The following DMD variants were observed in gnomAD, a reference collection of about 807,000 sequenced individuals.
DMD encodes dystrophin, also known as mutant dystrophin.
DMD carries 63 observed loss-of-function variants against 330.1 expected under a neutral mutation model. The ratio of observed to expected loss-of-function variants is 0.19; its 90% CI spans 0.16 to 0.24. DMD has a LOEUF of 0.24. Among genes scored for constraint, DMD ranks in the 10% least tolerant of loss-of-function variants. The pLI, the probability that DMD is intolerant of heterozygous loss-of-function variation, is 1.00. For synonymous variants in DMD, 1,223 were observed against 959.8 expected (o/e 1.27, Z -5.07); for missense variants, 3,344 against 2,684.1 (o/e 1.25, Z -5.43).
chrX:32,768,265 G>T (rs1335014058), intron 7 of DMD, among the ~76,000 whole-genome samples: 2 of 112,074 alleles, frequency 1.8e-5, no homozygotes, highest in Non-Finnish European at 3.8e-5. Flanking sequence ...TCCGTCAGAT[G>T]CTGTCTTTAG....
At chrX:32,256,217 C>T (rs2097297976) in intron 43 of DMD, among the ~76,000 whole-genome samples, 1 of 110,776 alleles carries the variant, frequency 9.0e-6, no homozygotes. Context: ...TTGCGTTGCT[C>T]CCTTTACCAT....
At chrX:33,266,992 C>T (rs1270904538) in intron 1 of DMD, among the ~76,000 whole-genome samples, 2 of 110,276 alleles carry the variant, frequency 1.8e-5, no homozygotes, top group Non-Finnish European at 3.8e-5. Context: ...GAAGTCCTAG[C>T]CACAGCAATT....
intron 2 of DMD, among the ~76,000 whole-genome samples, chrX:33,012,574 A>G (rs1215660746): frequency 1.3e-4 from 14 of 111,631 alleles, no homozygotes; most frequent in African/African-American, 4.6e-4. Flanking sequence ...TCGACTTAAG[A>G]TATTTTGACC....
At chrX:31,440,259 T>C (rs1305077939) in intron 60 of DMD, among the ~76,000 whole-genome samples, 1 of 109,506 alleles carries the variant, frequency 9.1e-6, no homozygotes, top group Non-Finnish European at 1.9e-5. Context: ...GCGATTCTCC[T>C]GCCTCAGCTT....
At chrX:31,228,337 A>G (rs768089484) in intron 63 of DMD, among the ~76,000 whole-genome samples, 2 of 110,446 alleles carry the variant, frequency 1.8e-5, no homozygotes, top group Admixed American at 1.9e-4. Flanking sequence ...ATGCTACGGA[A>G]GCCATACAAA....
chrX:31,824,520 G>A (rs1179766821), intron 49 of DMD, among the ~76,000 whole-genome samples: 1 of 111,537 alleles, frequency 9.0e-6, no homozygotes. Flanking sequence ...CAATGTGCTG[G>A]GATTGCAGGC....
In DMD at chrX:31,500,553, C is replaced by A. The variant is rs752296684; in HGVS notation, c.8391-3609G>T. Among the ~76,000 whole-genome samples, 3 of 112,371 alleles carry A rather than the reference C, an allele frequency of 2.7e-5. No homozygotes were observed. In the South Asian group the frequency reaches 1.1e-3, roughly 41 times the overall value. On this transcript the variant is annotated intron_variant, in intron 56 of 78. Transcript: ENST00000357033. Reference sequence around the variant, plus strand: ...ATGTTTTCAAGTCACATTTCTAATACATTTATCGGAAGCAGTTGCCCTATT... The same window carrying A: ...ATGTTTTCAAGTCACATTTCTAATAAATTTATCGGAAGCAGTTGCCCTATT...
intron 47 of DMD, among the ~76,000 whole-genome samples, chrX:31,888,340 A>C (rs1415831852): frequency 3.6e-5 from 4 of 111,114 alleles, no homozygotes; most frequent in African/African-American, 9.8e-5. Flanking sequence ...TCTGTAGTTG[A>C]CTGAAGTTGG....
At chrX:32,406,185 A>G (rs2147861135) in intron 30 of DMD, among the ~76,000 whole-genome samples, 1 of 111,608 alleles carries the variant, frequency 9.0e-6, no homozygotes, top group East Asian at 2.8e-4. Flanking sequence ...ATATACAATC[A>G]TGTCATCTGC....
intron 64 of DMD, among the ~76,000 whole-genome samples, chrX:31,221,605 C>A (rs1221303984): frequency 8.8e-6 from 1 of 113,053 alleles, no homozygotes; most frequent in Admixed American, 9.3e-5. Flanking sequence ...AAATATATGA[C>A]ATTGAAATGG....
chrX:32,569,075 G>T lies in DMD; in HGVS notation c.1813-3194C>A, dbSNP rs534467224. On this transcript the variant is annotated intron_variant, in intron 15 of 78. Coordinates refer to ENST00000357033, the MANE Select transcript of DMD (RefSeq NM_004006.3). ...GCAAAGGCCAGCTGGGATAGTAAAA[G>T]AATAAACAGACTTTATTTTTATAGA... is the stretch of plus-strand genomic sequence containing the variant. Among the ~76,000 whole-genome samples the T allele has an allele frequency of 1.9e-4, 21 of 111,777 alleles. No homozygotes were observed. In the South Asian group the frequency reaches 7.9e-3, roughly 42 times the overall value.
At chrX:32,213,834 T>C (rs1157406262) in intron 44 of DMD, among the ~76,000 whole-genome samples, 1 of 109,888 alleles carries the variant, frequency 9.1e-6, no homozygotes, top group South Asian at 4.0e-4. Context: ...ATTAGCCAGG[T>C]GTGGGGGTGG....
chrX:32,771,034 T>A (rs1022934253), intron 7 of DMD, among the ~76,000 whole-genome samples: 1 of 111,644 alleles, frequency 9.0e-6, no homozygotes, highest in Non-Finnish European at 1.9e-5. Flanking sequence ...GATCAGCAAG[T>A]ACAAAGGTCC....
At chrX:32,726,722 A>G (rs2066926112) in intron 7 of DMD, among the ~76,000 whole-genome samples, 1 of 111,105 alleles carries the variant, frequency 9.0e-6, no homozygotes, top group African/African-American at 3.3e-5. Context: ...GACTGACATG[A>G]TAATTATACA....
chrX:31,448,349 CT>C (rs1279919635), intron 59 of DMD, among the ~76,000 whole-genome samples: 4 of 112,021 alleles, frequency 3.6e-5, no homozygotes, highest in Non-Finnish European at 5.6e-5. Flanking sequence ...TTGGTAGCAG[CT>C]TTTACCACCC....
intron 7 of DMD, among the ~76,000 whole-genome samples, chrX:32,801,315 A>G (rs1196291167): frequency 2.7e-5 from 3 of 111,547 alleles, no homozygotes; most frequent in Non-Finnish European, 5.7e-5. Context: ...TTGGCCACAT[A>G]AATGTCTTCT....
At chrX:33,118,111 T>A (rs1427319893) in intron 1 of DMD, among the ~76,000 whole-genome samples, 1 of 39,708 alleles carries the variant, frequency 2.5e-5, no homozygotes, top group East Asian at 2.1e-3. Flanking sequence ...AGTTCAAGAC[T>A]CTTTTTTTTT....
chrX:32,954,462 G>C (rs67711161), intron 2 of DMD, among the ~76,000 whole-genome samples: 23,153 of 111,040 alleles, frequency 0.21, 1,834 homozygotes, highest in East Asian at 0.34. Context: ...AACCCACTAA[G>C]GCTCCAGTGA....
intron 41 of DMD, among the ~76,000 whole-genome samples, chrX:32,314,234 A>T (rs1253269148): frequency 8.9e-6 from 1 of 111,878 alleles, no homozygotes; most frequent in South Asian, 3.7e-4. Flanking sequence ...GGCCTCAGAA[A>T]TATCACCACA....
Sources: gnomAD v4.1 joint callset for allele counts (sites outside exome capture counted in the v4.1 genomes callset) on GRCh38, gnomAD v4.1.1 for gene constraint, MANE v1.5 for transcripts, NCBI Gene and HGNC (gene_info 2026-07-23, HGNC 2026-07-21) for gene names.